PDE1A: variants seen among roughly 807,000 people sequenced by gnomAD.
PDE1A encodes the protein dual specificity calcium/calmodulin-dependent 3',5'-cyclic nucleotide phosphodiesterase 1A.
In PDE1A, 35 loss-of-function variants were observed where a neutral mutation model predicts 61.7. The ratio of observed to expected loss-of-function variants is 0.57; its 90% CI spans 0.43 to 0.75. The LOEUF is 0.75. Among genes scored for constraint, PDE1A ranks in the 30% least tolerant of loss-of-function variants. The pLI, the probability that PDE1A is intolerant of heterozygous loss-of-function variation, is 0.00. For missense variants in PDE1A, 597 were observed against 630.6 expected, an observed-to-expected ratio of 0.95 and a Z score of 0.57; for synonymous variants, 232 against 213.2, an observed-to-expected ratio of 1.09 and a Z score of -0.77.
At chr2:182,174,315 G>A (rs913054843) in intron 13 of PDE1A, among the ~76,000 whole-genome samples, 3 of 152,074 alleles carry the variant, frequency 2.0e-5, no homozygotes, top group African/African-American at 7.2e-5. Flanking sequence ...GTCCATGGAC[G>A]CAGACCTAGG....
intron 2 of PDE1A, among the ~76,000 whole-genome samples, chr2:182,462,815 T>G (rs1686396941): frequency 6.6e-6 from 1 of 152,226 alleles, no homozygotes; most frequent in African/African-American, 2.4e-5. Context: ...TTTTTTTTAT[T>G]TTTTGAAATT....
chr2:182,693,821 A>G, the PDE1A span, among the ~76,000 whole-genome samples: 1 of 151,896 alleles, frequency 6.6e-6, no homozygotes, highest in South Asian at 2.1e-4. Flanking sequence ...TAATTTTTGT[A>G]TTTTTAGTAG....
chr2:182,346,217 A>AAAAT (rs954297029), intron 1 of PDE1A, among the ~76,000 whole-genome samples: 3 of 152,286 alleles, frequency 2.0e-5, no homozygotes, highest in African/African-American at 7.2e-5. Context: ...AACAAGAGGC[A>AAAAT]AAATAAATAA....
At chr2:182,540,081 G>A in the PDE1A span, among the ~76,000 whole-genome samples, 2 of 152,076 alleles carry the variant, frequency 1.3e-5, no homozygotes, top group Non-Finnish European at 2.9e-5. Context: ...GAAGTAGGAA[G>A]TGGCTGGGTG....
At chr2:182,660,174 C>T in the PDE1A span, among the ~76,000 whole-genome samples, 7 of 152,126 alleles carry the variant, frequency 4.6e-5, no homozygotes, top group African/African-American at 1.7e-4. Context: ...GGTCCCCAGC[C>T]TTATCTAAGA....
the PDE1A span, among the ~76,000 whole-genome samples, chr2:182,624,080 A>C: frequency 1.0e-4 from 15 of 148,294 alleles, no homozygotes; most frequent in East Asian, 1.2e-3. Context: ...AGCTGAGATC[A>C]CGCCACTGCA....
the PDE1A span, among the ~76,000 whole-genome samples, chr2:182,621,508 AATAT>A: frequency 6.6e-6 from 1 of 152,060 alleles, no homozygotes; most frequent in Non-Finnish European, 1.5e-5. Context: ...AATACCCGTT[AATAT>A]CCTTAAAACT....
At chr2:182,301,577 C>T (rs528888869) in intron 1 of PDE1A, among the ~76,000 whole-genome samples, 1 of 152,232 alleles carries the variant, frequency 6.6e-6, no homozygotes, top group South Asian at 2.1e-4. Context: ...ACTATGGCTG[C>T]TACCTGATCA....
chr2:182,381,123 G>C (rs1700709349), intron 1 of PDE1A, among the ~76,000 whole-genome samples: 1 of 151,940 alleles, frequency 6.6e-6, no homozygotes, highest in Non-Finnish European at 1.5e-5. Flanking sequence ...AAATTATATG[G>C]TTACTCTGAT....
At chr2:182,400,034 C>G (rs1427110217) in intron 1 of PDE1A, among the ~76,000 whole-genome samples, 1 of 152,100 alleles carries the variant, frequency 6.6e-6, no homozygotes, top group Non-Finnish European at 1.5e-5. Context: ...CTTTCCTTTG[C>G]CCACAATGAA....
intron 1 of PDE1A, among the ~76,000 whole-genome samples, chr2:182,325,570 A>T (rs1696983188): frequency 6.6e-6 from 1 of 152,180 alleles, no homozygotes; most frequent in Non-Finnish European, 1.5e-5. Flanking sequence ...CACATGTTTA[A>T]TAAGAGATTA....
At chr2:182,479,797 T>A (rs749945044) in intron 2 of PDE1A, among the ~76,000 whole-genome samples, 1 of 151,908 alleles carries the variant, frequency 6.6e-6, no homozygotes, top group Non-Finnish European at 1.5e-5. Context: ...GCATTACAAT[T>A]TCTTGCTTTT....
intron 7 of PDE1A, among the ~76,000 whole-genome samples, chr2:182,210,643 T>C (rs1687507637): frequency 6.6e-6 from 1 of 152,192 alleles, no homozygotes; most frequent in Non-Finnish European, 1.5e-5. Flanking sequence ...AGAGCATAAA[T>C]TTTTAATTTT....
chr2:182,167,578 C>T (rs549242318), downstream of PDE1A, among the ~76,000 whole-genome samples: 3 of 152,092 alleles, frequency 2.0e-5, no homozygotes, highest in Non-Finnish European at 4.4e-5. Context: ...GTAATAGACT[C>T]TGTGAGGCAT....
chr2:182,402,388 G>A lies in PDE1A; in HGVS notation c.53+24190C>T, dbSNP rs181641997. 9.0e-3 allele frequency among the ~76,000 whole-genome samples: 1,374 copies of A among 152,214 alleles called. 18 individuals are homozygous for A. Among genetic ancestry groups the A allele is most frequent in the African/African-American group, 0.031 (1,306 of 41,514 alleles). On this transcript the variant is annotated intron_variant, in intron 1 of 13. Transcript: ENST00000351439. ...TAACACCACAAATCTACAACCATCT[G>A]ATCTTTGACAAACCTGACAAAAACA...
At chr2:182,598,734 C>A in the PDE1A span, among the ~76,000 whole-genome samples, 2 of 152,282 alleles carry the variant, frequency 1.3e-5, no homozygotes, top group East Asian at 3.9e-4. Flanking sequence ...CTCCTTCTTC[C>A]ACTAAGCTCC....
chr2:182,628,819 C>G, the PDE1A span, among the ~76,000 whole-genome samples: 313 of 152,054 alleles, frequency 2.1e-3, 1 homozygote, highest in African/African-American at 6.6e-3. Flanking sequence ...TACTCTTGAC[C>G]CCCCCAGTGA....
chr2:182,683,610 G>A, the PDE1A span, among the ~76,000 whole-genome samples: 1 of 151,992 alleles, frequency 6.6e-6, no homozygotes, highest in Admixed American at 6.6e-5. Context: ...AACAATAAAA[G>A]ATTTACAAAT....
intron 2 of PDE1A, among the ~76,000 whole-genome samples, chr2:182,250,998 T>C (rs1458233885): frequency 6.6e-6 from 1 of 152,274 alleles, no homozygotes; most frequent in East Asian, 1.9e-4. Flanking sequence ...GGGGATGGAA[T>C]TGGGATTAAT....
Sources: allele counts gnomAD v4.1 joint callset (sites outside exome capture counted in the v4.1 genomes callset), GRCh38; gene constraint gnomAD v4.1.1; transcripts MANE v1.5; gene names NCBI Gene and HGNC (gene_info 2026-07-23, HGNC 2026-07-21).